HDAC4: variants seen among roughly 807,000 people sequenced by gnomAD.
HDAC4 encodes the protein histone deacetylase A.
In HDAC4, 16 loss-of-function variants were observed where a neutral mutation model predicts 135.1. The ratio of observed to expected loss-of-function variants is 0.12; its 90% CI spans 0.08 to 0.18. The LOEUF (loss-of-function observed/expected upper bound fraction) is 0.18. Ranked by LOEUF, HDAC4 falls within the 10% of genes least tolerant of loss-of-function variation. The pLI is 1.00. For synonymous variants in HDAC4, 685 were observed against 653.4 expected, an observed-to-expected ratio of 1.05 and a Z score of -0.74; for missense variants, 1,143 against 1,511.8, an observed-to-expected ratio of 0.76 and a Z score of 4.05.
At chr2:239,150,226 C>G (rs548606049) in intron 7 of HDAC4, among the ~76,000 whole-genome samples, 2 of 151,974 alleles carry the variant, frequency 1.3e-5, no homozygotes, top group Non-Finnish European at 2.9e-5. Context: ...CACACAGATA[C>G]ACACACAGAA....
At chr2:239,399,829 A>G (rs927865374) in intron 1 of HDAC4, among the ~76,000 whole-genome samples, 4 of 152,240 alleles carry the variant, frequency 2.6e-5, no homozygotes, top group African/African-American at 7.2e-5. Context: ...GAAAGTCATT[A>G]GTTTTAAAAT....
rs1213172009 is a variant in HDAC4 at position 239,245,426 on chromosome 2, A to G, written c.23-8762T>C. Among the ~76,000 whole-genome samples, 1 of 152,200 alleles carries G rather than the reference A, an allele frequency of 6.6e-6. No homozygotes were observed. ...GATTTGAACAACTGGCTGTAAAAAGACAGTTTTTAAGACAACCAGTAAAAA... is the reference window on the plus strand; with the variant it reads ...GATTTGAACAACTGGCTGTAAAAAGGCAGTTTTTAAGACAACCAGTAAAAA... On this transcript the variant is annotated intron_variant, in intron 2 of 26. Transcript: ENST00000543185. The surrounding 1 kb of genome is among the most constrained non-coding windows in gnomAD (Gnocchi z 4.4).
intron 1 of HDAC4, among the ~76,000 whole-genome samples, chr2:239,370,442 T>C (rs992216312): frequency 6.6e-6 from 1 of 151,988 alleles, no homozygotes; most frequent in African/African-American, 2.4e-5. Flanking sequence ...AGCAGACTTG[T>C]AAAACTGGAT....
intron 2 of HDAC4, among the ~76,000 whole-genome samples, chr2:239,283,653 C>T (rs1407146631): frequency 3.9e-5 from 6 of 152,308 alleles, no homozygotes; most frequent in South Asian, 2.1e-4. Context: ...CTTATTTAGT[C>T]GTAAGTTTAG....
At chr2:239,372,228 G>A (rs1694672455) in intron 1 of HDAC4, among the ~76,000 whole-genome samples, 1 of 152,176 alleles carries the variant, frequency 6.6e-6, no homozygotes. Context: ...GGCAGCAGGT[G>A]GGGAGTTTGT....
intron 2 of HDAC4, among the ~76,000 whole-genome samples, chr2:239,343,689 C>T (rs550745574): frequency 6.6e-6 from 1 of 152,306 alleles, no homozygotes; most frequent in African/African-American, 2.4e-5. Flanking sequence ...GCCCTGCCTG[C>T]CCTGCCTGCC....
chr2:239,069,406 G>A (rs2033918074), intron 22 of HDAC4, among the ~76,000 whole-genome samples: 1 of 106,182 alleles, frequency 9.4e-6, no homozygotes, highest in African/African-American at 3.4e-5. Flanking sequence ...TAGTGAGAGT[G>A]AGTCACGGTG....
At chr2:239,322,563 G>A (rs2053349541) in intron 2 of HDAC4, among the ~76,000 whole-genome samples, 2 of 152,210 alleles carry the variant, frequency 1.3e-5, no homozygotes, top group South Asian at 4.1e-4. Context: ...CCCATCTACT[G>A]TTTGACTTTC....
At chr2:239,398,808 C>T (rs978662132) in intron 1 of HDAC4, among the ~76,000 whole-genome samples, 2 of 152,250 alleles carry the variant, frequency 1.3e-5, no homozygotes, top group Non-Finnish European at 2.9e-5. Context: ...GTCATCTTCC[C>T]TCCACCCCGT....
rs1441705622 is a variant in HDAC4, at chr2:239,048,732, G to A, written c.*4365C>T. 2 of 152,236 alleles carry A rather than the reference G, an allele frequency of 1.3e-5. No homozygotes were observed. Among genetic ancestry groups the A allele is most frequent in the Non-Finnish European group, 2.9e-5 (2 of 68,044 alleles). 9.4% of individuals were successfully genotyped at this position (152,236 alleles called of 1,614,324 possible). A position where few individuals can be genotyped will look rare whatever the true frequency, so the allele number is the denominator to read the frequency against. ...TTTTAATCAATGCCAGAGACAAAGT[G>A]AGGCCGAGCTAAGAACACGCTCAGC... On this transcript the variant is annotated 3_prime_UTR_variant, in exon 27 of 27. Transcript: ENST00000543185.
At position 239,134,461 on chromosome 2, in the gene HDAC4, G is replaced by C. The variant is rs746498677; in HGVS notation, c.1096-18C>G. On this transcript the variant is annotated intron_variant, in intron 10 of 26. Transcript: ENST00000543185. ...GCCGTGCCCTGGAAAGCACAGCCAG[G>C]ATGCTCGGGTGGAAGGACCCATCAC... 6.2e-7 allele frequency: 1 copy of C among 1,613,814 alleles called. No homozygotes were observed. Among genetic ancestry groups the C allele is most frequent in the Admixed American group, 1.7e-5 (1 of 59,996 alleles).
chr2:239,158,299 G>A (rs1403829844), intron 6 of HDAC4, among the ~76,000 whole-genome samples: 5 of 152,158 alleles, frequency 3.3e-5, no homozygotes, highest in Non-Finnish European at 5.9e-5. Flanking sequence ...GACCATTTCC[G>A]CGTTCACTTT....
chr2:239,356,413 C>T (rs1186996518), intron 1 of HDAC4, among the ~76,000 whole-genome samples: 1 of 152,100 alleles, frequency 6.6e-6, no homozygotes, highest in Non-Finnish European at 1.5e-5. Flanking sequence ...AAAGAGGAAT[C>T]GTGTGAGGAG....
At chr2:239,358,022 A>G (rs1403346785) in intron 1 of HDAC4, among the ~76,000 whole-genome samples, 1 of 152,186 alleles carries the variant, frequency 6.6e-6, no homozygotes, top group Non-Finnish European at 1.5e-5. Context: ...GAAATAAACA[A>G]GTGCCTTGAA....
chr2:239,150,993 C>T (rs1263947121), intron 7 of HDAC4, among the ~76,000 whole-genome samples: 33 of 152,282 alleles, frequency 2.2e-4, no homozygotes, highest in Admixed American at 6.5e-5. Flanking sequence ...CTGCCCATTT[C>T]TTCCTGGTCC....
chr2:239,108,440 A>T (rs2038359229), intron 14 of HDAC4, among the ~76,000 whole-genome samples: 1 of 152,136 alleles, frequency 6.6e-6, no homozygotes, highest in Admixed American at 6.5e-5. Context: ...CCCAGGACCC[A>T]GGCAGGGACG....
chr2:239,097,163 C>T (rs936629195), intron 16 of HDAC4, among the ~76,000 whole-genome samples: 1 of 152,252 alleles, frequency 6.6e-6, no homozygotes, highest in Non-Finnish European at 1.5e-5. Context: ...AGCCCGCGCT[C>T]CTCTCCACCT....
intron 7 of HDAC4, among the ~76,000 whole-genome samples, chr2:239,155,859 C>A (rs1002445391): frequency 6.6e-6 from 1 of 152,232 alleles, no homozygotes; most frequent in Non-Finnish European, 1.5e-5. Context: ...TGAGGCACTG[C>A]CCGCCCTCAG....
chr2:239,096,964 G>A lies in HDAC4; in HGVS notation c.2234-1908C>T, dbSNP rs559414305. Among the ~76,000 whole-genome samples the A allele has an allele frequency of 1.3e-4, 20 of 152,272 alleles. No individual in the cohort carries two copies. The East Asian group carries it at 3.1e-3, about 24-fold the overall frequency. ...GCAGGGCAGGAGGCAGGAGGCAGGG[G>A]GCAGCAGCTGCAGCCACTTTCAGAA... On this transcript the variant is annotated intron_variant, in intron 16 of 26. Transcript: ENST00000543185.
Sources: gnomAD v4.1 joint callset for allele counts (sites outside exome capture counted in the v4.1 genomes callset) on GRCh38, gnomAD v4.1.1 for gene constraint, Gnocchi (gnomAD v3.1) non-coding constraint, MANE v1.5 for transcripts, NCBI Gene and HGNC (gene_info 2026-07-23, HGNC 2026-07-21) for gene names.